The following ZBTB20 variants were observed in gnomAD, a reference collection of about 807,000 sequenced individuals.
The protein encoded by ZBTB20 is zinc finger and BTB domain containing 20.
Under a neutral mutation model 56.9 loss-of-function variants are expected in ZBTB20, and 9 were observed. The ratio of observed to expected loss-of-function variants is 0.16; its 90% CI spans 0.10 to 0.28. The LOEUF is 0.28. ZBTB20 is among the 10% of genes least tolerant of loss of function. The pLI is 1.00. For synonymous variants in ZBTB20, 417 were observed against 420.7 expected, an observed-to-expected ratio of 0.99 and a Z score of 0.11; for missense variants, 655 against 1,003.0, an observed-to-expected ratio of 0.65 and a Z score of 4.69.
At position 114,385,817 on chromosome 3, in the gene ZBTB20, G is replaced by C. The variant is rs141265064; in HGVS notation, c.-154+3188C>G. 5.0e-3 allele frequency among the ~76,000 whole-genome samples: 765 copies of C among 152,216 alleles called. 5 individuals carry two copies. Among genetic ancestry groups the C allele is most frequent in the African/African-American group, 0.018 (738 of 41,540 alleles). On this transcript the variant is annotated intron_variant, in intron 8 of 11. Coordinates refer to ENST00000675478, the MANE Select transcript of ZBTB20 (RefSeq NM_001348800.3). ...GGGAGTGCAGAGGTTGCAGTGAGCC[G>C]AGATGGCGCCACTGCACTGCAGCCT... is the stretch of plus-strand genomic sequence containing the variant.
At chr3:114,756,544 A>G (rs191108776) in intron 5 of ZBTB20, among the ~76,000 whole-genome samples, 5 of 152,322 alleles carry the variant, frequency 3.3e-5, no homozygotes, top group Non-Finnish European at 7.4e-5. Context: ...AGTATACATG[A>G]TACATACACA....
chr3:114,733,349 CAG>C (rs1157992825), intron 5 of ZBTB20, among the ~76,000 whole-genome samples: 2 of 152,176 alleles, frequency 1.3e-5, no homozygotes, highest in East Asian at 1.9e-4. Flanking sequence ...TGAAAAGCTG[CAG>C]AGTGTGCCTG....
chr3:114,732,906 G>C (rs2065864903), intron 5 of ZBTB20, among the ~76,000 whole-genome samples: 2 of 152,112 alleles, frequency 1.3e-5, no homozygotes, highest in South Asian at 4.1e-4. Context: ...CACACTGAAT[G>C]TGGGAAACTA....
intron 6 of ZBTB20, among the ~76,000 whole-genome samples, chr3:114,655,892 T>G (rs2060384245): frequency 6.6e-6 from 1 of 152,214 alleles, no homozygotes; most frequent in Non-Finnish European, 1.5e-5. Context: ...GATATTCTTT[T>G]ACATGTAAAT....
At chr3:115,000,940 C>T (rs1456072170) in intron 2 of ZBTB20, among the ~76,000 whole-genome samples, 1 of 151,242 alleles carries the variant, frequency 6.6e-6, no homozygotes, top group Non-Finnish European at 1.5e-5. Flanking sequence ...AAGAGAATAC[C>T]ATCAATACTA....
chr3:114,581,587 A>C (rs908760852), intron 6 of ZBTB20, among the ~76,000 whole-genome samples: 8 of 152,076 alleles, frequency 5.3e-5, no homozygotes, highest in Non-Finnish European at 1.2e-4. Flanking sequence ...CAAGCCAAAC[A>C]AAACTCTTCC....
At chr3:114,846,686 A>G (rs540686759) in intron 4 of ZBTB20, among the ~76,000 whole-genome samples, 51 of 152,342 alleles carry the variant, frequency 3.3e-4, no homozygotes, top group African/African-American at 1.2e-3. Context: ...ATTTTAAACA[A>G]TTGTTTCTCT....
intron 2 of ZBTB20, among the ~76,000 whole-genome samples, chr3:114,975,787 T>TTTCTCA (rs1366086729): frequency 1.3e-5 from 2 of 152,190 alleles, no homozygotes; most frequent in African/African-American, 4.8e-5. Flanking sequence ...GAAAATTAAT[T>TTTCTCA]TGGTAACTAC....
At chr3:114,524,222 A>G (rs773247608) in intron 6 of ZBTB20, among the ~76,000 whole-genome samples, 5 of 152,338 alleles carry the variant, frequency 3.3e-5, no homozygotes, top group Non-Finnish European at 7.3e-5. Context: ...TAGGGGTAAC[A>G]AAGGGATTGA....
intron 7 of ZBTB20, among the ~76,000 whole-genome samples, chr3:114,466,332 G>C (rs1041305554): frequency 1.3e-5 from 2 of 152,098 alleles, no homozygotes; most frequent in African/African-American, 4.8e-5. Flanking sequence ...TTATCATCTA[G>C]TTTTACAGAT....
intron 10 of ZBTB20, 61 bp from the exon 11 acceptor site, chr3:114,351,939 C>T (rs1357549235): frequency 1.9e-6 from 3 of 1,544,704 alleles, no homozygotes; most frequent in Non-Finnish European, 2.6e-6. Context: ...GGTTGCATTC[C>T]TAACACCTAG....
chr3:114,656,041 A>G (rs1231302731), intron 6 of ZBTB20, among the ~76,000 whole-genome samples: 2 of 152,198 alleles, frequency 1.3e-5, no homozygotes, highest in Non-Finnish European at 2.9e-5. Flanking sequence ...CAGAAAATTC[A>G]TTTCTTCATT....
In ZBTB20 at chr3:114,384,017, G is replaced by A. The variant is rs141967817; in HGVS notation, c.-153-3077C>T. Among the ~76,000 whole-genome samples the A allele has an allele frequency of 1.5e-3, 221 of 152,108 alleles. 4 individuals are homozygous for A. Among genetic ancestry groups the A allele is most frequent in the Non-Finnish European group, 2.6e-4 (18 of 67,996 alleles). On this transcript the variant is annotated intron_variant, in intron 8 of 11. Coordinates refer to ENST00000675478, the MANE Select transcript of ZBTB20 (RefSeq NM_001348800.3). ...GCGGATTTCAGAGAGGCGAACTCCC[G>A]ACCAGAACCTTCCTCCTGGTCACCA...
intron 4 of ZBTB20, among the ~76,000 whole-genome samples, chr3:114,835,054 T>C (rs1277554646): frequency 3.9e-5 from 6 of 152,168 alleles, no homozygotes; most frequent in Admixed American, 3.9e-4. Context: ...CAATAATTTC[T>C]ACTTTGTATT....
intron 2 of ZBTB20, among the ~76,000 whole-genome samples, chr3:115,043,711 T>C (rs1172019573): frequency 5.3e-5 from 8 of 151,826 alleles, no homozygotes; most frequent in Non-Finnish European, 1.0e-4. Context: ...AGATATAAAG[T>C]TTTACTCCAC....
At chr3:114,771,964 T>A (rs2069241079) in intron 5 of ZBTB20, among the ~76,000 whole-genome samples, 1 of 152,220 alleles carries the variant, frequency 6.6e-6, no homozygotes, top group African/African-American at 2.4e-5. Context: ...AACCTAATAA[T>A]GTCTTGCATC....
chr3:114,838,789 G>A (rs936941537), intron 4 of ZBTB20, among the ~76,000 whole-genome samples: 1 of 152,086 alleles, frequency 6.6e-6, no homozygotes, highest in African/African-American at 2.4e-5. Flanking sequence ...TAAGTAAGAA[G>A]TTGGAGAAAT....
chr3:114,996,222 T>C (rs2079020214), intron 2 of ZBTB20, among the ~76,000 whole-genome samples: 1 of 151,870 alleles, frequency 6.6e-6, no homozygotes, highest in Non-Finnish European at 1.5e-5. Context: ...TTTTTTATTA[T>C]TATGCTTTAA....
intron 6 of ZBTB20, among the ~76,000 whole-genome samples, chr3:114,524,337 A>G (rs1455753956): frequency 6.6e-6 from 1 of 152,202 alleles, no homozygotes; most frequent in African/African-American, 2.4e-5. Context: ...TAGCCATGGG[A>G]ATGAGTAGCT....
Sources: allele counts gnomAD v4.1 joint callset (sites outside exome capture counted in the v4.1 genomes callset), GRCh38; gene constraint gnomAD v4.1.1; transcripts MANE v1.5; gene names NCBI Gene and HGNC (gene_info 2026-07-23, HGNC 2026-07-21).